Variants in GGNBP2 observed in about 807,000 individuals in gnomAD.
GGNBP2 encodes gametogenetin binding protein 2.
Under a neutral mutation model 85.9 loss-of-function variants are expected in GGNBP2, and 10 were observed. The observed-to-expected ratio is 0.12, with a 90% CI of 0.07 to 0.20. GGNBP2 has a LOEUF of 0.20. GGNBP2 is among the 10% of genes least tolerant of loss of function. GGNBP2 has a pLI of 1.00. For synonymous variants in GGNBP2, 287 were observed against 285.7 expected (o/e 1.00, Z -0.05); for missense variants, 595 against 857.8 (o/e 0.69, Z 3.83).
chr17:36,579,541 G>T (rs1175081559), intron 8 of GGNBP2, 122 bp downstream of exon 8: 1 of 819,248 alleles, frequency 1.2e-6, no homozygotes. Context: ...CATGGATTTG[G>T]CTGGATATTG....
chr17:36,576,595 ATGTGTGTGTGTGTG>A (rs71159620), intron 6 of GGNBP2: 29 of 51,492 alleles, frequency 5.6e-4, no homozygotes, highest in Admixed American at 1.0e-3. Context: ...ATATATATAT[ATGTGTGTGTGTGTG>A]TGTGTGTGTG....
chr17:36,571,819 G>A (rs559822568), intron 6 of GGNBP2, among the ~76,000 whole-genome samples: 262 of 152,138 alleles, frequency 1.7e-3, no homozygotes, highest in Non-Finnish European at 2.8e-3. Context: ...CTGCAGCCTG[G>A]GCGACAGAGC....
chr17:36,578,292 ATAAATTAAAGTATGC>A, intron 7 of GGNBP2, 106 bp downstream of exon 7: 1 of 826,280 alleles, frequency 1.2e-6, no homozygotes, highest in Non-Finnish European at 1.9e-6. Flanking sequence ...TGATATATGT[ATAAATTAAAGTATGC>A]CTGTAAAGAT....
Position 36,587,068 on chromosome 17 carries a change from G to A in GGNBP2, c.1713G>A (p.Val571=). ...CCTCAGGAAATACCATGCACACAGTGTTTCACCGTGACAAGACCAAAGATA... is the reference window on the plus strand; with the variant it reads ...CCTCAGGAAATACCATGCACACAGTATTTCACCGTGACAAGACCAAAGATA... ...RETSGNTMHT[V]FHRDKTKDTH... The change falls in exon 13 of 14, where the codon GTG becomes GTA. Residue 571 remains valine (V), a synonymous_variant. Coordinates refer to ENST00000613102, the MANE Select transcript of GGNBP2 (RefSeq NM_024835.5). The A allele has an allele frequency of 6.2e-7, 1 of 1,614,006 alleles. No individual in the cohort carries two copies.
rs761054287 is a variant in GGNBP2, at chr17:36,586,147, AAAAAAT to A, written c.1596_1601del (p.Asn532_Lys533del). The A allele has an allele frequency of 1.2e-6, 2 of 1,613,954 alleles. No individual in the cohort carries two copies. The highest frequency in any genetic ancestry group is 2.2e-5 in the South Asian group (2 of 91,054). On this transcript the variant is annotated inframe_deletion, in exon 12 of 14. Coordinates refer to ENST00000613102, the MANE Select transcript of GGNBP2 (RefSeq NM_024835.5). ...ATTCTGAAGAGAACGACACAAAAGG[AAAAAAT>A]AAAAAGAAGAAGAAGAAAAGCAAGA...
At chr17:36,570,202 AC>A (rs2074509535) in intron 6 of GGNBP2, among the ~76,000 whole-genome samples, 2 of 151,772 alleles carry the variant, frequency 1.3e-5, no homozygotes, top group South Asian at 4.2e-4. Flanking sequence ...ACATGGTAAA[AC>A]CCCGTCTCTA....
At chr17:36,545,557 C>G (rs1428202651) in intron 1 of GGNBP2, 62 bp from the exon 2 acceptor site, 2 of 588,144 alleles carry the variant, frequency 3.4e-6, no homozygotes, top group Non-Finnish European at 6.1e-6. Flanking sequence ...GCTCCCTGCC[C>G]CCCGTGGCGA....
chr17:36,588,593 AATATTT>A (rs1338688514), intron 13 of GGNBP2, among the ~76,000 whole-genome samples: 7 of 150,590 alleles, frequency 4.6e-5, no homozygotes, highest in Admixed American at 4.6e-4. Flanking sequence ...GTTTAGTTTT[AATATTT>A]ATTTATTTTT....
rs2074648940 is a variant in GGNBP2, at chr17:36,581,452, C to T, written c.1129C>T (p.Arg377Trp). The change falls in exon 9 of 14, where the codon CGG becomes TGG. Residue 377 changes from arginine to tryptophan, a missense_variant. Arg to Trp is a moderately radical substitution (Grantham distance 101). Around this residue, in one of 9 missense-constraint regions of GGNBP2, gnomAD observed 92 missense variants for 183.9 expected, o/e 0.50. Coordinates refer to ENST00000613102, the MANE Select transcript of GGNBP2 (RefSeq NM_024835.5). ...ELKQEKKRQK[R>W]KNRRKNKCVC... The stretch of plus-strand genomic sequence containing the variant: ...CAAGCAAGAAAAGAAACGCCAAAAA[C>T]GGAAGAATAGACGAAAAAATAAGTG... The T allele has an allele frequency of 6.2e-7, 1 of 1,613,578 alleles. No homozygotes were observed.
In GGNBP2 at chr17:36,587,065, A is replaced by AGT; in HGVS notation, c.1713_1714dup (p.Phe572CysfsTer56). 6.2e-7 allele frequency: 1 copy of AGT among 1,613,676 alleles called. No individual in the cohort carries two copies. ...AGACCTCAGGAAATACCATGCACAC[A>AGT]GTGTTTCACCGTGACAAGACCAAAG... On this transcript the variant is annotated frameshift_variant, in exon 13 of 14. Coordinates refer to ENST00000613102, the MANE Select transcript of GGNBP2 (RefSeq NM_024835.5). LOFTEE classifies it high-confidence loss of function.
At position 36,545,778 on chromosome 17, in the gene GGNBP2, G is replaced by C. The variant is rs1218328637; in HGVS notation, c.54G>C (p.Glu18Asp). Residue 18 changes from glutamate (E) to aspartate (D), a missense_variant, in exon 2 of 14, where the codon GAG (glutamate) becomes GAC (aspartate). Coordinates refer to ENST00000613102, the MANE Select transcript of GGNBP2 (RefSeq NM_024835.5). ...ACGGGGAGGAGGAGTTCCCCTTCGA[G>C]AGGAGGCAGATTCCCCTCTACATAG... ...CRDGEEEFPF[E>D]RRQIPLYIDD... The C allele has an allele frequency of 6.3e-7, 1 of 1,581,296 alleles. No homozygotes were observed.
At chr17:36,545,896 C>T in intron 2 of GGNBP2, 79 bp downstream of exon 2, 2 of 1,009,688 alleles carry the variant, frequency 2.0e-6, no homozygotes, top group Non-Finnish European at 3.0e-6. Context: ...AGGCCGAGCG[C>T]TGCGCACTGG....
At chr17:36,561,530 C>G (rs572352524) in intron 5 of GGNBP2, among the ~76,000 whole-genome samples, 7 of 152,204 alleles carry the variant, frequency 4.6e-5, no homozygotes, top group African/African-American at 1.7e-4. Flanking sequence ...ATTTATCTTT[C>G]TTGTCTCTAG....
At chr17:36,586,831 C>G in intron 12 of GGNBP2, 166 bp from the exon 13 acceptor site, 1 of 620,064 alleles carries the variant, frequency 1.6e-6, no homozygotes, top group South Asian at 2.2e-5. Context: ...GTTGGCCAGG[C>G]TGGTCTTGAA....
At chr17:36,550,342 C>G (rs1440071615) in intron 2 of GGNBP2, among the ~76,000 whole-genome samples, 1 of 149,950 alleles carries the variant, frequency 6.7e-6, no homozygotes, top group Admixed American at 6.6e-5. Flanking sequence ...TCTTTTTGTT[C>G]TTGTTTGCAT....
intron 8 of GGNBP2, among the ~76,000 whole-genome samples, chr17:36,580,949 T>G (rs1438270218): frequency 6.7e-6 from 1 of 148,182 alleles, no homozygotes; most frequent in African/African-American, 2.5e-5. Flanking sequence ...AATTTAAAAC[T>G]AGAATCTTGC....
chr17:36,546,045 C>T, intron 2 of GGNBP2: 1 of 501,136 alleles, frequency 2.0e-6, no homozygotes, highest in East Asian at 3.1e-5. Flanking sequence ...TCCAGATTTT[C>T]CTTCTTTTGG....
chr17:36,585,931 C>T lies in GGNBP2; in HGVS notation c.1458C>T (p.Ala486=), dbSNP rs1466277008. 4 of 1,614,014 alleles carry T rather than the reference C, an allele frequency of 2.5e-6. No individual in the cohort carries two copies. The highest frequency in any genetic ancestry group is 3.4e-6 in the Non-Finnish European group (4 of 1,180,030). ...GTTCTCGGGAGGGTTCGGATGTTGC[C>T]TGCACTGAAGGCATTTGTAATCATG... The part of the protein sequence containing the change: ...ETGSREGSDV[A]CTEGICNHDE... The change falls in exon 11 of 14, where the codon GCC becomes GCT. Residue 486 remains alanine (A), a synonymous_variant. Transcript: ENST00000613102.
intron 6 of GGNBP2, among the ~76,000 whole-genome samples, chr17:36,575,516 GCC>G (rs1172198744): frequency 6.8e-6 from 1 of 148,146 alleles, no homozygotes; most frequent in Non-Finnish European, 1.5e-5. Context: ...GTATATTTTT[GCC>G]CATATTTAAA....
Sources: allele counts gnomAD v4.1 joint callset (sites outside exome capture counted in the v4.1 genomes callset), GRCh38; gene constraint gnomAD v4.1.1; regional missense constraint gnomAD v4.1.1; transcripts MANE v1.5; gene names NCBI Gene and HGNC (gene_info 2026-07-23, HGNC 2026-07-21).